SNTB1: variants seen among roughly 807,000 people sequenced by gnomAD.
The protein encoded by SNTB1 is syntrophin beta 1, also known as beta-1-syntrophin.
SNTB1 carries 36 observed loss-of-function variants against 48.9 expected under a neutral mutation model. That is an observed-to-expected ratio of 0.74 (90% CI 0.56 to 0.97). The LOEUF (loss-of-function observed/expected upper bound fraction) is 0.97, where lower values mean the gene tolerates loss of function less well. Among genes scored for constraint, SNTB1 ranks in the 50% least tolerant of loss-of-function variants. The probability of loss-of-function intolerance (pLI) is 0.00; values close to 1 mark genes in which losing one functional copy is unlikely to be tolerated. For synonymous variants in SNTB1, 299 were observed against 294.6 expected (o/e 1.01, Z -0.15); for missense variants, 786 against 703.4 (o/e 1.12, Z -1.33).
chr8:120,586,588 C>G (rs966775239), intron 3 of SNTB1, among the ~76,000 whole-genome samples: 6 of 152,166 alleles, frequency 3.9e-5, no homozygotes, highest in Non-Finnish European at 8.8e-5. Flanking sequence ...CTGGGCCCAT[C>G]TGGATGATCC....
intron 2 of SNTB1, among the ~76,000 whole-genome samples, chr8:120,646,582 G>A (rs1268395375): frequency 6.6e-6 from 1 of 151,710 alleles, no homozygotes; most frequent in Non-Finnish European, 1.5e-5. Flanking sequence ...TTTTATTGAG[G>A]ATTTTTGCAT....
At chr8:120,625,156 C>G (rs547524993) in intron 3 of SNTB1, among the ~76,000 whole-genome samples, 1 of 152,278 alleles carries the variant, frequency 6.6e-6, no homozygotes, top group South Asian at 2.1e-4. Flanking sequence ...GCAAAGCTCT[C>G]AAGACCTCAT....
intron 1 of SNTB1, among the ~76,000 whole-genome samples, chr8:120,728,492 C>T (rs1818797065): frequency 6.6e-6 from 1 of 152,106 alleles, no homozygotes; most frequent in African/African-American, 2.4e-5. Flanking sequence ...CCCACTCCCT[C>T]CCTCCCACGG....
At chr8:120,696,348 T>C (rs927576376) in intron 1 of SNTB1, among the ~76,000 whole-genome samples, 2 of 152,202 alleles carry the variant, frequency 1.3e-5, no homozygotes, top group African/African-American at 4.8e-5. Context: ...ATCCTTCCTT[T>C]ACGTAACATG....
At chr8:120,641,389 T>C (rs1050186188) in intron 2 of SNTB1, among the ~76,000 whole-genome samples, 1 of 152,252 alleles carries the variant, frequency 6.6e-6, no homozygotes, top group African/African-American at 2.4e-5. Context: ...TTTACAATGT[T>C]TTCTTTTGAA....
chr8:120,811,919 C>T lies in SNTB1; in HGVS notation c.-76G>A. 4 of 1,225,740 alleles carry T rather than the reference C, an allele frequency of 3.3e-6. No individual in the cohort carries two copies. The highest frequency in any genetic ancestry group is 3.1e-6 in the Non-Finnish European group (3 of 967,176). 75.9% of individuals were successfully genotyped at this position (1,225,740 alleles called of 1,614,324 possible). ...GGGAAGGGTGGCCGGGGGGAGGACGCGGGGCCCGGGGGAGCGAGGAGAGTG... is the reference window on the plus strand; with the variant it reads ...GGGAAGGGTGGCCGGGGGGAGGACGTGGGGCCCGGGGGAGCGAGGAGAGTG... On this transcript the variant is annotated 5_prime_UTR_variant, in exon 1 of 7. Coordinates refer to ENST00000517992, the MANE Select transcript of SNTB1 (RefSeq NM_021021.4).
intron 2 of SNTB1, among the ~76,000 whole-genome samples, chr8:120,673,951 C>T (rs925814357): frequency 6.6e-6 from 1 of 152,104 alleles, no homozygotes; most frequent in Non-Finnish European, 1.5e-5. Flanking sequence ...AGTCACAGTT[C>T]TGGTTATCGT....
intron 1 of SNTB1, among the ~76,000 whole-genome samples, chr8:120,745,049 T>A (rs1181847353): frequency 6.6e-6 from 1 of 152,024 alleles, no homozygotes; most frequent in Non-Finnish European, 1.5e-5. Flanking sequence ...CTCTGACTTC[T>A]ATTTGGTGCA....
chr8:120,624,130 G>A (rs1182784322), intron 3 of SNTB1, among the ~76,000 whole-genome samples: 1 of 152,104 alleles, frequency 6.6e-6, no homozygotes, highest in Admixed American at 6.6e-5. Context: ...TAGACATGGG[G>A]TTTCACCATG....
At chr8:120,648,334 C>G (rs1299766526) in intron 2 of SNTB1, among the ~76,000 whole-genome samples, 16 of 151,606 alleles carry the variant, frequency 1.1e-4, no homozygotes, top group Non-Finnish European at 1.5e-5. Flanking sequence ...TTAGTGCTTC[C>G]TTCAGGAGCT....
intron 1 of SNTB1, among the ~76,000 whole-genome samples, chr8:120,768,442 T>C (rs1051990923): frequency 2.6e-5 from 4 of 152,204 alleles, no homozygotes; most frequent in African/African-American, 4.8e-5. Flanking sequence ...ACTAGCTACA[T>C]TGGTACCTCT....
In SNTB1 at chr8:120,589,395, T is replaced by C. The variant is rs368786947; in HGVS notation, c.997-14170A>G. On this transcript the variant is annotated intron_variant, in intron 3 of 6. Coordinates refer to ENST00000517992, the MANE Select transcript of SNTB1 (RefSeq NM_021021.4). The stretch of plus-strand genomic sequence containing the variant: ...TATGAACATTTGATTTCACTCACAG[T>C]AATTTTTCCAAACTCTAAGTCACTA... Among the ~76,000 whole-genome samples, 70 of 152,342 alleles carry C rather than the reference T, an allele frequency of 4.6e-4. No individual in the cohort carries two copies. The East Asian group carries it at 0.013, about 27-fold the overall frequency.
At chr8:120,691,882 C>T (rs939785450) in intron 2 of SNTB1, among the ~76,000 whole-genome samples, 6 of 152,164 alleles carry the variant, frequency 3.9e-5, no homozygotes, top group African/African-American at 1.4e-4. Flanking sequence ...AAAACTTTGA[C>T]ATCAGATCAT....
chr8:120,628,827 A>T (rs1816928959), intron 3 of SNTB1, among the ~76,000 whole-genome samples: 1 of 152,148 alleles, frequency 6.6e-6, no homozygotes, highest in South Asian at 2.1e-4. Flanking sequence ...TGCATGACCC[A>T]TCTACAGGTG....
At chr8:120,641,808 C>T (rs1255538538) in intron 2 of SNTB1, among the ~76,000 whole-genome samples, 1 of 152,218 alleles carries the variant, frequency 6.6e-6, no homozygotes, top group African/African-American at 2.4e-5. Context: ...CCTGTCCTCT[C>T]ATATAATCAC....
intron 2 of SNTB1, among the ~76,000 whole-genome samples, chr8:120,668,844 ACT>A (rs1817715844): frequency 6.6e-6 from 1 of 152,128 alleles, no homozygotes; most frequent in African/African-American, 2.4e-5. Context: ...AGAAGTTGAA[ACT>A]CTGGGGAGAA....
chr8:120,694,344 G>C (rs1818176903), intron 1 of SNTB1, among the ~76,000 whole-genome samples: 1 of 151,910 alleles, frequency 6.6e-6, no homozygotes, highest in Admixed American at 6.6e-5. Flanking sequence ...CAATCATAGG[G>C]TTTTCAATTT....
intron 1 of SNTB1, among the ~76,000 whole-genome samples, chr8:120,747,216 T>C (rs748362017): frequency 6.6e-6 from 1 of 152,214 alleles, no homozygotes; most frequent in Non-Finnish European, 1.5e-5. Context: ...TGCAGGGACA[T>C]GGATGGAGTT....
chr8:120,633,277 T>A (rs1346127492), intron 2 of SNTB1, among the ~76,000 whole-genome samples: 1 of 151,922 alleles, frequency 6.6e-6, no homozygotes, highest in African/African-American at 2.4e-5. Context: ...TAGGAAGAGG[T>A]AACAATGGGG....
Sources: allele counts gnomAD v4.1 joint callset (sites outside exome capture counted in the v4.1 genomes callset), GRCh38; gene constraint gnomAD v4.1.1; transcripts MANE v1.5; gene names NCBI Gene and HGNC (gene_info 2026-07-23, HGNC 2026-07-21).